The following ZNF57 variants were observed in gnomAD, a reference collection of about 807,000 sequenced individuals.
ZNF57 encodes zinc finger protein 57, also known as zinc finger protein 424.
A neutral mutation model predicts 13.4 loss-of-function variants in ZNF57; 11 were observed. The ratio of observed to expected loss-of-function variants is 0.82; its 90% CI spans 0.52 to 1.36. The LOEUF is 1.36. ZNF57 is among the 40% of genes most tolerant of loss of function. The probability of loss-of-function intolerance (pLI) is 0.00; values close to 1 mark genes in which losing one functional copy is unlikely to be tolerated. For missense variants in ZNF57, 696 were observed against 667.5 expected (o/e 1.04, Z -0.47); for synonymous variants, 224 against 238.5 (o/e 0.94, Z 0.56).
rs777338421 is a variant in ZNF57, at chr19:2,918,138, G to A, written c.1517G>A (p.Cys506Tyr). 11 of 1,614,114 alleles carry A rather than the reference G, an allele frequency of 6.8e-6. No individual in the cohort carries two copies. The African/African-American group carries it at 1.3e-4, about 20-fold the overall frequency. The change falls in exon 4 of 4, where the codon TGT becomes TAT. Residue 506 changes from cysteine to tyrosine, a missense_variant. Physicochemically the swap from Cys to Tyr is radical, Grantham distance 194 (BLOSUM62 -2). Coordinates refer to ENST00000306908, the MANE Select transcript of ZNF57 (RefSeq NM_173480.3). ...RMHTGEKPHK[C>Y]KQCGMSFKWH... ...CACACTGGAGAGAAACCTCACAAAT[G>A]TAAACAATGTGGGATGTCCTTCAAG...
intron 1 of ZNF57, among the ~76,000 whole-genome samples, chr19:2,911,693 T>TGG (rs1239776766): frequency 2.0e-3 from 301 of 152,234 alleles, no homozygotes; most frequent in African/African-American, 7.0e-3. Flanking sequence ...ACCTAGAAGT[T>TGG]TTCATTACAT....
intron 1 of ZNF57, among the ~76,000 whole-genome samples, chr19:2,901,545 G>A (rs1467271750): frequency 1.3e-5 from 2 of 151,450 alleles, no homozygotes; most frequent in East Asian, 3.9e-4. Flanking sequence ...TTTTTGGGAC[G>A]GAGTCCCGCT....
At position 2,916,126 on chromosome 19, in the gene ZNF57, T is replaced by C. The variant is rs2088191475; in HGVS notation, c.179T>C (p.Met60Thr). Residue 60 changes from methionine (M) to threonine (T), a missense_variant, in exon 3 of 4, where the codon ATG becomes ACG. Around this residue, in one of 3 missense-constraint regions of ZNF57, gnomAD observed 8 missense variants for 22.4 expected, o/e 0.36. Transcript: ENST00000306908. ...KANGSVSLQDMYGQEKSKEQT... is the reference protein window; with the variant it reads ...KANGSVSLQDTYGQEKSKEQT... ...AATGGGTCAGTTTCTCTGCAGGATA[T>C]GTACGGGCAAGAAAAATCTAAGGAA... The C allele has an allele frequency of 3.1e-6, 5 of 1,613,870 alleles. No individual in the cohort carries two copies. Among genetic ancestry groups the C allele is most frequent in the Non-Finnish European group, 4.2e-6 (5 of 1,179,962 alleles).
chr19:2,916,407 TAA>T, intron 3 of ZNF57, 158 bp downstream of exon 3: 1 of 698,356 alleles, frequency 1.4e-6, no homozygotes. Flanking sequence ...ATTTGAAACA[TAA>T]TTGTTAGAAG....
chr19:2,917,696 A>G lies in ZNF57; in HGVS notation c.1075A>G (p.Thr359Ala), dbSNP rs779098417. 2 of 1,613,952 alleles carry G rather than the reference A, an allele frequency of 1.2e-6. No homozygotes were observed. The highest frequency in any genetic ancestry group is 2.2e-5 in the South Asian group (2 of 91,038). Residue 359 changes from threonine to alanine, a missense_variant, in exon 4 of 4, where the codon ACT becomes GCT. By Grantham distance (58) the Thr-to-Ala change is moderately conservative. Coordinates refer to ENST00000306908, the MANE Select transcript of ZNF57 (RefSeq NM_173480.3). ...RSFQGHLRTH[T>A]GEKPYECKQC... ...ATTCCAAGGTCATTTGAGGACGCAC[A>G]CTGGAGAGAAACCTTATGAGTGTAA...
Position 2,915,600 on chromosome 19 carries a change from C to T in ZNF57, c.82C>T (p.Leu28Phe), listed in dbSNP as rs747591294. ...TTTGCTGGATTCTGCTCAGAGGGAC[C>T]TCTACAGAGATGTGATGCTGGAGAC... ...WALLDSAQRD[L>F]YRDVMLETFR... is the part of the protein sequence containing the mutation. The change falls in exon 2 of 4, where the codon CTC becomes TTC. Residue 28 changes from leucine (L) to phenylalanine (F), a missense_variant. Physicochemically the swap from Leu to Phe is conservative, Grantham distance 22. Transcript: ENST00000306908. 12 of 1,613,916 alleles carry T rather than the reference C, an allele frequency of 7.4e-6. No individual in the cohort carries two copies. The highest frequency in any genetic ancestry group is 1.0e-5 in the Non-Finnish European group (12 of 1,179,932).
intron 1 of ZNF57, among the ~76,000 whole-genome samples, chr19:2,909,275 A>ATTTAT (rs1341390463): frequency 7.7e-4 from 80 of 103,808 alleles, no homozygotes; most frequent in Non-Finnish European, 1.3e-3. Context: ...TATTTTATTT[A>ATTTAT]TTTTTGTTTT....
chr19:2,917,870 G>C lies in ZNF57; in HGVS notation c.1249G>C (p.Glu417Gln), dbSNP rs1044436016. ...FRGHLRTHTG[E>Q]KPYECKQCGK... Reference sequence around the variant, plus strand: ...AGGTCATTTGAGGACGCACACTGGAGAGAAGCCTTATGAGTGTAAACAATG... The same window carrying C: ...AGGTCATTTGAGGACGCACACTGGACAGAAGCCTTATGAGTGTAAACAATG... The change falls in exon 4 of 4, where the codon GAG becomes CAG. Residue 417 changes from glutamate (E) to glutamine (Q), a missense_variant. By Grantham distance (29) the Glu-to-Gln change is conservative (BLOSUM62 2). This residue lies in a region of ZNF57 where 645 missense variants were observed against 591.5 expected (regional missense o/e 1.09). Coordinates refer to ENST00000306908, the MANE Select transcript of ZNF57 (RefSeq NM_173480.3). The C allele has an allele frequency of 8.1e-6, 13 of 1,611,888 alleles. No homozygotes were observed. Among genetic ancestry groups the C allele is most frequent in the Non-Finnish European group, 1.1e-5 (13 of 1,179,234 alleles).
In ZNF57 at chr19:2,918,283, A is replaced by C; in HGVS notation, c.1662A>C (p.Thr554=). ...TTCTTTCTAAAACCAGTGAGAGCAC[A>C]CACTAAAGAGAAATTCTATAACTTT... is the stretch of plus-strand genomic sequence containing the variant. The part of the protein sequence containing the change: ...QVILSKTSES[T]H Residue 554 remains threonine (T), a synonymous_variant, in exon 4 of 4, where the codon ACA becomes ACC. Transcript: ENST00000306908. 1.3e-6 allele frequency: 2 copies of C among 1,593,574 alleles called. No individual in the cohort carries two copies. The highest frequency in any genetic ancestry group is 2.3e-5 in the South Asian group (2 of 87,896).
chr19:2,901,204 C>G (rs550314295), intron 1 of ZNF57, among the ~76,000 whole-genome samples, 156 bp downstream of exon 1: 2 of 135,118 alleles, frequency 1.5e-5, no homozygotes, highest in African/African-American at 5.5e-5. Flanking sequence ...TCACAGCGGC[C>G]GGGCTGGAGG....
At position 2,915,573 on chromosome 19, in the gene ZNF57, G is replaced by A. The variant is rs750428913; in HGVS notation, c.55G>A (p.Ala19Thr). 3.1e-6 allele frequency: 5 copies of A among 1,614,072 alleles called. No individual in the cohort carries two copies. The Admixed American group carries it at 6.7e-5, about 22-fold the overall frequency. ...TGTGGACTTCACCCTGGAGGAGTGG[G>A]CTTTGCTGGATTCTGCTCAGAGGGA... ...VAVDFTLEEW[A>T]LLDSAQRDLY... The change falls in exon 2 of 4, where the codon GCT (alanine) becomes ACT (threonine). Residue 19 changes from alanine (A) to threonine (T), a missense_variant. By Grantham distance (58) the Ala-to-Thr change is moderately conservative. Transcript: ENST00000306908.
At position 2,909,685 on chromosome 19, in the gene ZNF57, C is replaced by A. The variant is rs2088117176; in HGVS notation, c.4-5837C>A. Among the ~76,000 whole-genome samples, 3 of 46,984 alleles carry A rather than the reference C, an allele frequency of 6.4e-5. 1 individual carries two copies. The highest frequency in any genetic ancestry group is 5.0e-4 in the Admixed American group (2 of 3,976). 30.8% of individuals were successfully genotyped at this position (46,984 alleles called of 152,430 possible). ...GTTGTCTTAAGGTCTTTAGCCTCCA[C>A]ACCTGGCTAATTTTTTCTTAATTTT... On this transcript the variant is annotated intron_variant, in intron 1 of 3. Transcript: ENST00000306908.
At chr19:2,915,279 A>G (rs950516230) in intron 1 of ZNF57, 8 of 429,608 alleles carry the variant, frequency 1.9e-5, no homozygotes, top group Non-Finnish European at 2.1e-5. Context: ...GCATTTCTCT[A>G]GACCCTCCTG....
chr19:2,916,810 A>G (rs2088203221), intron 3 of ZNF57, 114 bp from the exon 4 acceptor site: 4 of 909,624 alleles, frequency 4.4e-6, no homozygotes. Context: ...TCAGAATAGA[A>G]AAACTTCACG....
intron 2 of ZNF57, chr19:2,915,870 G>A: frequency 1.1e-6 from 1 of 920,332 alleles, no homozygotes. Flanking sequence ...AGTGTCATTA[G>A]TAGGGGTATA....
chr19:2,904,968 C>T (rs1303640416), intron 1 of ZNF57, among the ~76,000 whole-genome samples: 1 of 152,150 alleles, frequency 6.6e-6, no homozygotes, highest in East Asian at 1.9e-4. Flanking sequence ...ATTATGCCGA[C>T]GATTGAACTT....
intron 1 of ZNF57, among the ~76,000 whole-genome samples, chr19:2,911,131 T>C (rs1050606877): frequency 9.9e-5 from 15 of 152,132 alleles, no homozygotes; most frequent in Admixed American, 5.2e-4. Context: ...GGTACAATCA[T>C]GGCTCACTGC....
chr19:2,901,179 G>T, intron 1 of ZNF57, 131 bp downstream of exon 1: 4 of 1,260,948 alleles, frequency 3.2e-6, no homozygotes, highest in Non-Finnish European at 4.2e-6. Flanking sequence ...TAGCACCTGG[G>T]ACCCGGGGAC....
intron 1 of ZNF57, among the ~76,000 whole-genome samples, chr19:2,901,433 ACAAGGCTGTTTACTCACTTGGGTG>A (rs1336638141): frequency 6.6e-6 from 1 of 152,156 alleles, no homozygotes; most frequent in Non-Finnish European, 1.5e-5. Flanking sequence ...AGTGTGAGCC[ACAAGGCTGTTTACTCACTTGGGTG>A]CAAGTGGGCT....
Sources: gnomAD v4.1 joint callset for allele counts (sites outside exome capture counted in the v4.1 genomes callset) on GRCh38, gnomAD v4.1.1 for gene constraint, gnomAD v4.1.1 regional missense constraint, MANE v1.5 for transcripts, NCBI Gene and HGNC (gene_info 2026-07-23, HGNC 2026-07-21) for gene names.